Variants in SCFD2 observed in about 807,000 individuals in gnomAD.
The protein encoded by SCFD2 is sec1 family domain containing 2.
Under a neutral mutation model 58.9 loss-of-function variants are expected in SCFD2, and 54 were observed. That is an observed-to-expected ratio of 0.92 (90% CI 0.74 to 1.15). SCFD2 has a LOEUF of 1.15. Ranked by LOEUF, SCFD2 falls within the 50% of genes most tolerant of loss-of-function variation. SCFD2 has a pLI of 0.00. For missense variants in SCFD2, 805 were observed against 836.6 expected (o/e 0.96, Z 0.47); for synonymous variants, 321 against 335.9 (o/e 0.96, Z 0.49).
At chr4:53,129,996 T>C (rs1725740719) in intron 5 of SCFD2, among the ~76,000 whole-genome samples, 1 of 152,226 alleles carries the variant, frequency 6.6e-6, no homozygotes, top group Non-Finnish European at 1.5e-5. Context: ...TACATTTTAT[T>C]CTGTGTTTAT....
intron 5 of SCFD2, among the ~76,000 whole-genome samples, chr4:52,947,863 T>C (rs1720476493): frequency 6.8e-6 from 1 of 147,816 alleles, no homozygotes; most frequent in Admixed American, 6.9e-5. Context: ...TAAGCTAGTA[T>C]AAGGTATTTG....
In SCFD2 at chr4:52,873,770, C is replaced by CTTTTT; in HGVS notation, c.*194_*198dup. ...TGTCGCCTTCAGGAAAATAAAAAAACTTTTTTTTTTTTTTTTTAAGAATCA... is the reference window on the plus strand; with the variant it reads ...TGTCGCCTTCAGGAAAATAAAAAAACTTTTTTTTTTTTTTTTTTTTTTAAGAATCA... On this transcript the variant is annotated 3_prime_UTR_variant, in exon 9 of 9. Transcript: ENST00000401642. 1 of 331,974 alleles carries CTTTTT rather than the reference C, an allele frequency of 3.0e-6. No homozygotes were observed. Among genetic ancestry groups the CTTTTT allele is most frequent in the Non-Finnish European group, 5.4e-6 (1 of 185,402 alleles). 20.6% of individuals were successfully genotyped at this position (331,974 alleles called of 1,614,324 possible).
At chr4:52,942,123 T>C (rs1011715035) in intron 5 of SCFD2, among the ~76,000 whole-genome samples, 3 of 152,182 alleles carry the variant, frequency 2.0e-5, no homozygotes, top group Admixed American at 6.5e-5. Flanking sequence ...AGTGTCTATG[T>C]GTGGTAGGAT....
intron 5 of SCFD2, among the ~76,000 whole-genome samples, chr4:52,992,420 C>T (rs1461305102): frequency 3.3e-5 from 5 of 152,192 alleles, no homozygotes; most frequent in Non-Finnish European, 4.4e-5. Flanking sequence ...CCCAAAGTGC[C>T]GAGATTGCAG....
rs773917730 is a variant in SCFD2 at position 53,313,757 on chromosome 4, G to C, written c.1014C>G (p.Thr338=). The C allele has an allele frequency of 1.2e-6, 2 of 1,613,894 alleles. No individual in the cohort carries two copies. The highest frequency in any genetic ancestry group is 1.1e-5 in the South Asian group (1 of 91,064). The part of the protein sequence containing the change: ...APGCLSQSSD[T]TAKALWEALL... Reference sequence around the variant, plus strand: ...AAGCTTCCCATAGGGCTTTGGCTGTGGTGTCACTGCAGGAAAATCACAAAA... The same window carrying C: ...AAGCTTCCCATAGGGCTTTGGCTGTCGTGTCACTGCAGGAAAATCACAAAA... Residue 338 remains threonine (T), a synonymous_variant, in exon 3 of 9, where the codon ACC becomes ACG. Transcript: ENST00000401642.
chr4:53,333,668 A>G (rs1418425056), intron 2 of SCFD2, among the ~76,000 whole-genome samples: 1 of 140,570 alleles, frequency 7.1e-6, no homozygotes, highest in African/African-American at 2.7e-5. Context: ...CCTAGGCAAT[A>G]CCATTCAGGA....
intron 5 of SCFD2, among the ~76,000 whole-genome samples, chr4:53,006,539 T>C (rs1268525951): frequency 2.0e-5 from 3 of 152,248 alleles, no homozygotes; most frequent in Admixed American, 2.0e-4. Context: ...ATGCCTCTCC[T>C]GTCCTTGCTG....
chr4:53,258,577 T>TATATATATATGC (rs757658747), intron 4 of SCFD2, among the ~76,000 whole-genome samples: 3 of 121,374 alleles, frequency 2.5e-5, no homozygotes, highest in African/African-American at 9.5e-5. Context: ...TATATATATA[T>TATATATATATGC]ACACACACAT....
chr4:52,881,361 C>G (rs1319763564), intron 8 of SCFD2, among the ~76,000 whole-genome samples: 2 of 152,250 alleles, frequency 1.3e-5, no homozygotes, highest in Non-Finnish European at 2.9e-5. Context: ...AAAGGAAGCT[C>G]TTCCTCCTGG....
intron 5 of SCFD2, among the ~76,000 whole-genome samples, chr4:53,096,070 T>C (rs1577722848): frequency 6.6e-6 from 1 of 152,186 alleles, no homozygotes; most frequent in Non-Finnish European, 1.5e-5. Context: ...TATGGCTGCG[T>C]AGTATTCCAT....
chr4:52,891,715 T>C (rs1718882425), intron 7 of SCFD2, among the ~76,000 whole-genome samples: 1 of 152,276 alleles, frequency 6.6e-6, no homozygotes, highest in African/African-American at 2.4e-5. Context: ...CACCAGAGCC[T>C]TGTGGGACTT....
intron 5 of SCFD2, among the ~76,000 whole-genome samples, chr4:53,103,768 T>TAAAAAAAAAAAAAAA: frequency 2.9e-5 from 1 of 34,028 alleles, no homozygotes; most frequent in Non-Finnish European, 4.9e-5. Context: ...AGTAAGGAAG[T>TAAAAAAAAAAAAAAA]AAAAAAAAAA....
chr4:53,315,480 G>A (rs1169751699), intron 2 of SCFD2, among the ~76,000 whole-genome samples: 1 of 152,116 alleles, frequency 6.6e-6, no homozygotes, highest in Non-Finnish European at 1.5e-5. Flanking sequence ...TGATATGTAG[G>A]TGACAGGAAG....
chr4:53,216,625 G>A (rs1256002973), intron 4 of SCFD2, among the ~76,000 whole-genome samples: 1 of 152,066 alleles, frequency 6.6e-6, no homozygotes, highest in East Asian at 1.9e-4. Context: ...TTTTTGAAGG[G>A]TTTTTTGTGT....
At chr4:53,108,258 C>G (rs187521179) in intron 5 of SCFD2, among the ~76,000 whole-genome samples, 1 of 152,284 alleles carries the variant, frequency 6.6e-6, no homozygotes, top group East Asian at 1.9e-4. Flanking sequence ...TATATGCCCA[C>G]AGGAGAAAGT....
chr4:53,133,099 C>T (rs905069176), intron 5 of SCFD2, among the ~76,000 whole-genome samples: 2 of 151,970 alleles, frequency 1.3e-5, no homozygotes, highest in South Asian at 2.1e-4. Flanking sequence ...GAGGCCGAGG[C>T]GGGTGGATCA....
At chr4:52,915,895 G>A (rs1288190939) in intron 6 of SCFD2, among the ~76,000 whole-genome samples, 1 of 152,232 alleles carries the variant, frequency 6.6e-6, no homozygotes, top group Non-Finnish European at 1.5e-5. Flanking sequence ...GCTGGGCACT[G>A]TTGACAAAAG....
intron 5 of SCFD2, among the ~76,000 whole-genome samples, chr4:53,023,485 G>A (rs1722398573): frequency 6.6e-6 from 1 of 152,020 alleles, no homozygotes; most frequent in Non-Finnish European, 1.5e-5. Flanking sequence ...GTCTGGGTGG[G>A]CAGATTGCTG....
At chr4:53,133,673 T>C (rs1342016339) in intron 5 of SCFD2, among the ~76,000 whole-genome samples, 1 of 152,224 alleles carries the variant, frequency 6.6e-6, no homozygotes, top group Non-Finnish European at 1.5e-5. Context: ...TGGATAAGAA[T>C]ACATACATGG....
Sources: allele counts gnomAD v4.1 joint callset (sites outside exome capture counted in the v4.1 genomes callset), GRCh38; gene constraint gnomAD v4.1.1; transcripts MANE v1.5; gene names NCBI Gene and HGNC (gene_info 2026-07-23, HGNC 2026-07-21).